The following IQUB variants were observed in gnomAD, a reference collection of about 807,000 sequenced individuals.
IQUB encodes the protein IQ motif and ubiquitin-like domain-containing protein.
A neutral mutation model predicts 86.4 loss-of-function variants in IQUB; 86 were observed. The ratio of observed to expected loss-of-function variants is 1.00; its 90% CI spans 0.84 to 1.19. IQUB has a LOEUF of 1.19. Among genes scored for constraint, IQUB ranks in the 50% most tolerant of loss-of-function variants. IQUB has a pLI of 0.00. For synonymous variants in IQUB, 289 were observed against 304.5 expected, an observed-to-expected ratio of 0.95 and a Z score of 0.53; for missense variants, 946 against 916.9, an observed-to-expected ratio of 1.03 and a Z score of -0.41.
At chr7:123,524,321 T>C (rs1185457482) in intron 1 of IQUB, among the ~76,000 whole-genome samples, 7 of 145,102 alleles carry the variant, frequency 4.8e-5, no homozygotes, top group African/African-American at 1.8e-4. Flanking sequence ...CGATATTGAT[T>C]CTTCCTACCC....
At chr7:123,462,860 CATTCTT>C (rs749038159) in intron 10 of IQUB, 18 of 454,830 alleles carry the variant, frequency 4.0e-5, no homozygotes, top group Non-Finnish European at 7.1e-5. Context: ...AAAAATAACT[CATTCTT>C]ATTATGATTA....
intron 7 of IQUB, among the ~76,000 whole-genome samples, chr7:123,489,940 C>A (rs1274870928): frequency 1.3e-5 from 2 of 151,550 alleles, no homozygotes; most frequent in Non-Finnish European, 2.9e-5. Context: ...AATTTAAATT[C>A]ATAATAGTAA....
In IQUB at chr7:123,496,753, G is replaced by A. The variant is rs139050066; in HGVS notation, c.1177C>T (p.Arg393Trp). The stretch of plus-strand genomic sequence containing the variant: ...TCATTTGTTTTAGGATTATGCCTCC[G>A]GTGATAGTCCAATTTTATCCATTCT... ...KEEWIKLDYH[R>W]RHNPKTNEDF... is the part of the protein sequence containing the mutation. The change falls in exon 7 of 13, where the codon CGG becomes TGG. Residue 393 changes from arginine (R) to tryptophan (W), a missense_variant. Physicochemically the swap from Arg to Trp is moderately radical, Grantham distance 101. Coordinates refer to ENST00000324698, the MANE Select transcript of IQUB (RefSeq NM_178827.5). 1.6e-5 allele frequency: 25 copies of A among 1,610,838 alleles called. No individual in the cohort carries two copies. Among genetic ancestry groups the A allele is most frequent in the East Asian group, 6.7e-5 (3 of 44,700 alleles).
rs529624318 is a variant in IQUB, at chr7:123,469,630, G to A, written c.1411-246C>T. ...TACACTTCTACAATATTCAGGATTT[G>A]CTACTAGTTTTTTATGTTGAATTGT... On this transcript the variant is annotated intron_variant, in intron 8 of 12. Transcript: ENST00000324698. Among the ~76,000 whole-genome samples, 8 of 152,184 alleles carry A rather than the reference G, an allele frequency of 5.3e-5. No homozygotes were observed. The South Asian group carries it at 1.5e-3, about 28-fold the overall frequency.
intron 1 of IQUB, among the ~76,000 whole-genome samples, chr7:123,527,061 C>G (rs186264138): frequency 1.3e-5 from 2 of 152,160 alleles, no homozygotes; most frequent in East Asian, 3.8e-4. Flanking sequence ...TCATTTCATT[C>G]ATTTCATCTT....
Position 123,489,252 on chromosome 7 carries a change from C to G in IQUB, c.1234+7444G>C, listed in dbSNP as rs1205595612. 2.6e-5 allele frequency among the ~76,000 whole-genome samples: 4 copies of G among 152,080 alleles called. No homozygotes were observed. The South Asian group carries it at 8.3e-4, about 31-fold the overall frequency. ...AAAGTCATAAAGCTGTACACTTAAG[C>G]CTTGGCATAAATCCTATTTTGATAT... On this transcript the variant is annotated intron_variant, in intron 7 of 12. Coordinates refer to ENST00000324698, the MANE Select transcript of IQUB (RefSeq NM_178827.5).
At chr7:123,511,095 G>A (rs750595138) in intron 2 of IQUB, among the ~76,000 whole-genome samples, 15 of 152,188 alleles carry the variant, frequency 9.9e-5, no homozygotes, top group South Asian at 8.3e-4. Flanking sequence ...CTGGGCTTAC[G>A]TAGTTTTCTC....
At chr7:123,463,802 CAT>C (rs1361140898) in intron 10 of IQUB, among the ~76,000 whole-genome samples, 2 of 151,606 alleles carry the variant, frequency 1.3e-5, no homozygotes, top group African/African-American at 2.4e-5. Flanking sequence ...AATGATATAA[CAT>C]TATGTAAAAT....
intron 3 of IQUB, among the ~76,000 whole-genome samples, chr7:123,504,758 C>G (rs560341659): frequency 8.5e-4 from 130 of 152,244 alleles, no homozygotes; most frequent in African/African-American, 3.1e-3. Context: ...GGAGAGGACA[C>G]AAATCCAAAC....
chr7:123,524,994 G>A (rs1484883590), intron 1 of IQUB, among the ~76,000 whole-genome samples: 2 of 152,082 alleles, frequency 1.3e-5, no homozygotes, highest in Non-Finnish European at 2.9e-5. Context: ...TTTATATGCT[G>A]GATTACATTT....
chr7:123,467,544 G>A (rs1052073088), intron 9 of IQUB, among the ~76,000 whole-genome samples: 1 of 152,114 alleles, frequency 6.6e-6, no homozygotes, highest in Non-Finnish European at 1.5e-5. Context: ...GAGAGTCTGG[G>A]GTATGTGAAA....
intron 1 of IQUB, among the ~76,000 whole-genome samples, chr7:123,513,490 A>G (rs1457474124): frequency 6.6e-6 from 1 of 152,220 alleles, no homozygotes; most frequent in Non-Finnish European, 1.5e-5. Context: ...AAACCAAAAA[A>G]CAACAAAGAT....
intron 1 of IQUB, among the ~76,000 whole-genome samples, chr7:123,527,501 T>A (rs1797293107): frequency 6.6e-6 from 1 of 152,216 alleles, no homozygotes; most frequent in Non-Finnish European, 1.5e-5. Flanking sequence ...TTGGTGTGGA[T>A]GTCCTTTCTG....
chr7:123,461,533 T>C lies in IQUB; in HGVS notation c.1831A>G (p.Thr611Ala), dbSNP rs777899412. 7 of 1,612,088 alleles carry C rather than the reference T, an allele frequency of 4.3e-6. No individual in the cohort carries two copies. The South Asian group carries it at 6.6e-5, about 15-fold the overall frequency. The change falls in exon 11 of 13, where the codon ACA becomes GCA. Residue 611 changes from threonine (T) to alanine (A), a missense_variant. Coordinates refer to ENST00000324698, the MANE Select transcript of IQUB (RefSeq NM_178827.5). ...CHSCQLYLPS[T>A]EFSVSSTSRR... is the part of the protein sequence containing the mutation. ...GAGGTGGATGATACAGAAAATTCTG[T>C]AGAAGGCAAATAAAGCTGGCAACTG...
In IQUB at chr7:123,503,362, T is replaced by C. The variant is rs907248576; in HGVS notation, c.534A>G (p.Gly178=). 2.0e-6 allele frequency: 3 copies of C among 1,469,818 alleles called. No homozygotes were observed. The highest frequency in any genetic ancestry group is 2.8e-5 in the African/African-American group (2 of 70,588). 91.0% of individuals were successfully genotyped at this position (1,469,818 alleles called of 1,614,324 possible). ...PHSVLQIRYS[G]KILKNNETLV... is the part of the protein sequence containing the mutation. ...GAGTCTCATTATTTTTAAGAATTTTTCCTAAAAATTGAAATAAAATTTTTA... is the reference window on the plus strand; with the variant it reads ...GAGTCTCATTATTTTTAAGAATTTTCCCTAAAAATTGAAATAAAATTTTTA... Residue 178 remains glycine, a splice_region_variant and synonymous_variant, in exon 4 of 13, where the codon GGA becomes GGG. Coordinates refer to ENST00000324698, the MANE Select transcript of IQUB (RefSeq NM_178827.5).
At chr7:123,458,813 CTATTA>C (rs996162575) in intron 11 of IQUB, among the ~76,000 whole-genome samples, 3 of 151,844 alleles carry the variant, frequency 2.0e-5, no homozygotes, top group Admixed American at 6.6e-5. Flanking sequence ...ATACTATTGC[CTATTA>C]TATTAGGCAG....
intron 7 of IQUB, among the ~76,000 whole-genome samples, chr7:123,482,317 G>A (rs1449804014): frequency 6.6e-6 from 1 of 151,894 alleles, no homozygotes; most frequent in African/African-American, 2.4e-5. Flanking sequence ...TTTGAACAAT[G>A]ATTTTTTAAA....
intron 7 of IQUB, among the ~76,000 whole-genome samples, chr7:123,484,333 A>C (rs1013221963): frequency 3.3e-5 from 5 of 152,094 alleles, no homozygotes; most frequent in African/African-American, 1.2e-4. Context: ...AACCAAAAGA[A>C]CTTTAAGAAC....
chr7:123,460,828 TAGA>T (rs1292448836), intron 11 of IQUB, among the ~76,000 whole-genome samples: 1 of 151,852 alleles, frequency 6.6e-6, no homozygotes, highest in Non-Finnish European at 1.5e-5. Context: ...CTCACAGAGC[TAGA>T]AGTTCTTACG....
Sources: gnomAD v4.1 joint callset for allele counts (sites outside exome capture counted in the v4.1 genomes callset) on GRCh38, gnomAD v4.1.1 for gene constraint, MANE v1.5 for transcripts, NCBI Gene and HGNC (gene_info 2026-07-23, HGNC 2026-07-21) for gene names.